The following SPMIP3 variants were observed in gnomAD, a reference collection of about 807,000 sequenced individuals.
SPMIP3 encodes protein SPMIP3.
At chr1:244,388,947 C>T in the SPMIP3 span, 1 of 1,606,832 alleles carries the variant, frequency 6.2e-7, no homozygotes, top group Non-Finnish European at 8.5e-7. Context: ...GTTTTAAATT[C>T]CAGATTGGAA....
the SPMIP3 span, among the ~76,000 whole-genome samples, chr1:244,360,557 C>CACACAT: frequency 3.0e-4 from 17 of 56,068 alleles, no homozygotes; most frequent in African/African-American, 1.2e-3. Context: ...CACACACACA[C>CACACAT]ATGCATGCAT....
At chr1:244,375,476 C>G in the SPMIP3 span, 3 of 1,604,504 alleles carry the variant, frequency 1.9e-6, no homozygotes, top group Non-Finnish European at 2.6e-6. Flanking sequence ...AGGTGAGACA[C>G]CTCCTCAATC....
chr1:244,375,454 AAG>A, the SPMIP3 span: 1 of 1,613,680 alleles, frequency 6.2e-7, no homozygotes, highest in Non-Finnish European at 8.5e-7. Flanking sequence ...TCATAGTGCA[AAG>A]AGAGCTCCCA....
At chr1:244,369,507 G>A in the SPMIP3 span, among the ~76,000 whole-genome samples, 4 of 152,182 alleles carry the variant, frequency 2.6e-5, no homozygotes, top group Admixed American at 6.5e-5. Flanking sequence ...AATCAAGGAC[G>A]TGAACACACA....
chr1:244,377,308 T>C, the SPMIP3 span, among the ~76,000 whole-genome samples: 1 of 151,620 alleles, frequency 6.6e-6, no homozygotes, highest in Non-Finnish European at 1.5e-5. Flanking sequence ...GTATTTTTAG[T>C]AGAGATGGGG....
At chr1:244,383,272 G>C in the SPMIP3 span, among the ~76,000 whole-genome samples, 1 of 152,138 alleles carries the variant, frequency 6.6e-6, no homozygotes, top group East Asian at 1.9e-4. Flanking sequence ...AGCACTTTGG[G>C]GGACCGAGGT....
chr1:244,377,233 T>A, the SPMIP3 span, among the ~76,000 whole-genome samples: 1 of 152,208 alleles, frequency 6.6e-6, no homozygotes, highest in South Asian at 2.1e-4. Flanking sequence ...GCCATTCTCC[T>A]GCCTCAGCCT....
the SPMIP3 span, chr1:244,388,962 A>G: frequency 3.1e-6 from 5 of 1,613,382 alleles, no homozygotes; most frequent in South Asian, 5.5e-5. Context: ...TTGGAACCAG[A>G]AATTAGCCAC....
chr1:244,386,441 G>A, the SPMIP3 span, among the ~76,000 whole-genome samples: 5 of 152,244 alleles, frequency 3.3e-5, no homozygotes, highest in African/African-American at 9.6e-5. Flanking sequence ...TGTGTAGCAC[G>A]TTTCAGGGTT....
At chr1:244,378,463 T>C in the SPMIP3 span, 1 of 1,606,334 alleles carries the variant, frequency 6.2e-7, no homozygotes, top group Non-Finnish European at 8.5e-7. Context: ...CTATTTCCAT[T>C]TAGACCGCTC....
chr1:244,381,729 G>C, the SPMIP3 span, among the ~76,000 whole-genome samples: 2 of 152,170 alleles, frequency 1.3e-5, no homozygotes, highest in Non-Finnish European at 2.9e-5. Context: ...TGAGAAGTTC[G>C]AGACCAGCCT....
chr1:244,356,918 C>CTTTTTTTTTTTTT, the SPMIP3 span, among the ~76,000 whole-genome samples: 1 of 103,784 alleles, frequency 9.6e-6, no homozygotes, highest in Non-Finnish European at 1.8e-5. Context: ...TTTTCTTTTC[C>CTTTTTTTTTTTTT]TTTTTTTTTT....
the SPMIP3 span, among the ~76,000 whole-genome samples, chr1:244,384,887 C>T: frequency 3.3e-4 from 50 of 152,152 alleles, 2 homozygotes; most frequent in East Asian, 4.4e-3. Flanking sequence ...GCTGTTTATC[C>T]TAACCATTTG....
the SPMIP3 span, among the ~76,000 whole-genome samples, chr1:244,371,122 C>G: frequency 6.6e-6 from 1 of 152,200 alleles, no homozygotes; most frequent in Non-Finnish European, 1.5e-5. Flanking sequence ...AGATCCCACT[C>G]CATTTACAGC....
At chr1:244,380,518 C>G in the SPMIP3 span, among the ~76,000 whole-genome samples, 24 of 152,210 alleles carry the variant, frequency 1.6e-4, no homozygotes, top group South Asian at 2.3e-3. Flanking sequence ...AAGTAAAGTC[C>G]TACTATTTTC....
chr1:244,369,138 G>C, the SPMIP3 span, among the ~76,000 whole-genome samples: 1 of 152,000 alleles, frequency 6.6e-6, no homozygotes, highest in Middle Eastern at 3.4e-3. Flanking sequence ...CCAGCCTGGC[G>C]ACAGAGCCAG....
chr1:244,381,868 T>A, the SPMIP3 span, among the ~76,000 whole-genome samples: 6 of 152,276 alleles, frequency 3.9e-5, no homozygotes, highest in East Asian at 1.2e-3. Flanking sequence ...GAGGTGGAAG[T>A]TGCAGTGAGT....
the SPMIP3 span, chr1:244,364,800 C>T: frequency 6.7e-4 from 1,074 of 1,593,998 alleles, 11 homozygotes; most frequent in East Asian, 0.011. Context: ...TGAAGCCAGG[C>T]AGCCAGGTGC....
the SPMIP3 span, among the ~76,000 whole-genome samples, chr1:244,379,797 T>A: frequency 2.0e-5 from 3 of 151,926 alleles, no homozygotes; most frequent in East Asian, 5.9e-4. Flanking sequence ...CTGCCCAACA[T>A]GGAGAAACCC....
Sources: allele counts gnomAD v4.1 joint callset (sites outside exome capture counted in the v4.1 genomes callset), GRCh38; gene constraint gnomAD v4.1.1; transcripts MANE v1.5; gene names NCBI Gene and HGNC (gene_info 2026-07-23, HGNC 2026-07-21).